PLPP3: variants seen among roughly 807,000 people sequenced by gnomAD.
PLPP3 encodes the protein phospholipid phosphatase 3, also known as PAP2 beta.
Under a neutral mutation model 29.6 loss-of-function variants are expected in PLPP3, and 6 were observed. That is an observed-to-expected ratio of 0.20 (90% confidence interval 0.11 to 0.40). PLPP3 has a LOEUF of 0.40. Ranked by LOEUF, PLPP3 falls within the 10% of genes least tolerant of loss-of-function variation. The probability of loss-of-function intolerance (pLI) is 1.00; values close to 1 mark genes in which losing one functional copy is unlikely to be tolerated. For missense variants in PLPP3, 308 were observed against 407.7 expected (o/e 0.76, Z 2.11); for synonymous variants, 152 against 159.7 (o/e 0.95, Z 0.36).
At chr1:56,568,788 C>T (rs1646178624) in intron 1 of PLPP3, among the ~76,000 whole-genome samples, 1 of 152,084 alleles carries the variant, frequency 6.6e-6, no homozygotes, top group Admixed American at 6.5e-5. Flanking sequence ...CCATGCCTGG[C>T]TAATTTTTTT....
At chr1:56,541,986 A>G (rs569835877) in intron 1 of PLPP3, among the ~76,000 whole-genome samples, 1 of 145,530 alleles carries the variant, frequency 6.9e-6, no homozygotes, top group Admixed American at 6.9e-5. Context: ...AAAAAAAAAG[A>G]ATCTAGTGAG....
intron 1 of PLPP3, among the ~76,000 whole-genome samples, chr1:56,561,703 A>G (rs2100297950): frequency 6.6e-6 from 1 of 152,180 alleles, no homozygotes; most frequent in South Asian, 2.1e-4. Context: ...TTCAGAGAGG[A>G]GGCAGGCAGG....
At chr1:56,537,143 GA>G (rs371900222) in intron 1 of PLPP3, 31 bp from the exon 2 acceptor site, 32 of 1,515,598 alleles carry the variant, frequency 2.1e-5, no homozygotes, top group South Asian at 6.4e-5. Flanking sequence ...GCATATACCA[GA>G]AAAAAAAAGA....
intron 2 of PLPP3, among the ~76,000 whole-genome samples, chr1:56,529,824 AG>A (rs1298988648): frequency 1.3e-5 from 2 of 152,160 alleles, no homozygotes; most frequent in African/African-American, 2.4e-5. Context: ...CAAAGACACC[AG>A]TATAATTTCT....
chr1:56,523,938 G>C, intron 3 of PLPP3, 58 bp from the exon 4 acceptor site: 1 of 1,557,018 alleles, frequency 6.4e-7, no homozygotes, highest in Non-Finnish European at 8.8e-7. Flanking sequence ...ATACACACTT[G>C]TCTGTCTGTC....
chr1:56,527,115 G>C (rs910681944), intron 2 of PLPP3, among the ~76,000 whole-genome samples: 1 of 152,186 alleles, frequency 6.6e-6, no homozygotes, highest in Non-Finnish European at 1.5e-5. Flanking sequence ...GACGGGGTTT[G>C]ATTACAATTC....
intron 1 of PLPP3, among the ~76,000 whole-genome samples, chr1:56,560,678 T>G (rs1443617113): frequency 6.6e-6 from 1 of 152,082 alleles, no homozygotes; most frequent in Non-Finnish European, 1.5e-5. Flanking sequence ...TTCCATCACC[T>G]TGGTGATTAG....
intron 1 of PLPP3, 31 bp from the exon 2 acceptor site, chr1:56,537,143 GAA>G: frequency 6.6e-7 from 1 of 1,515,972 alleles, no homozygotes; most frequent in African/African-American, 1.4e-5. Context: ...GCATATACCA[GAA>G]AAAAAAAGAA....
intron 1 of PLPP3, among the ~76,000 whole-genome samples, chr1:56,541,457 T>C (rs751208922): frequency 6.9e-4 from 105 of 152,306 alleles, no homozygotes; most frequent in Non-Finnish European, 1.3e-3. Context: ...ATATAAACTA[T>C]TGTAGACTGA....
At chr1:56,532,674 CTG>C (rs1557505659) in intron 2 of PLPP3, among the ~76,000 whole-genome samples, 2 of 152,166 alleles carry the variant, frequency 1.3e-5, no homozygotes, top group Admixed American at 1.3e-4. Context: ...TTCCCCTGCT[CTG>C]TGAATCCTCT....
chr1:56,548,223 T>C (rs943101308), intron 1 of PLPP3, among the ~76,000 whole-genome samples: 1 of 152,228 alleles, frequency 6.6e-6, no homozygotes, highest in African/African-American at 2.4e-5. Context: ...TCAATGTTCC[T>C]TTTGTAAAAC....
intron 5 of PLPP3, among the ~76,000 whole-genome samples, chr1:56,508,045 C>T (rs1479317375): frequency 6.6e-6 from 1 of 152,178 alleles, no homozygotes; most frequent in Non-Finnish European, 1.5e-5. Context: ...TTTTCCAACT[C>T]CCAACTTCCA....
At chr1:56,559,576 C>G (rs1646107477) in intron 1 of PLPP3, among the ~76,000 whole-genome samples, 1 of 146,222 alleles carries the variant, frequency 6.8e-6, no homozygotes. Context: ...TTTTTTTACA[C>G]TAAGAATATA....
chr1:56,561,331 C>T (rs1412182229), intron 1 of PLPP3, among the ~76,000 whole-genome samples: 1 of 151,894 alleles, frequency 6.6e-6, no homozygotes, highest in African/African-American at 2.4e-5. Context: ...AAATACCTAG[C>T]TGTTCTTAGG....
Position 56,578,979 on chromosome 1 carries a change from T to C in PLPP3, c.38A>G (p.Glu13Gly). ...CGCCGGGCTGCCGCCGTTCTTGCTC[T>C]CCGGGACGATCGCTTTGTCGTACTT... ...NYKYDKAIVPESKNGGSPALN... is the reference protein window; with the variant it reads ...NYKYDKAIVPGSKNGGSPALN... The change falls in exon 1 of 6, where the codon GAG becomes GGG. Residue 13 changes from glutamate to glycine, a missense_variant. By Grantham distance (98) the Glu-to-Gly change is moderately conservative. Coordinates refer to ENST00000371250, the MANE Select transcript of PLPP3 (RefSeq NM_003713.5). 6.2e-7 allele frequency: 1 copy of C among 1,602,398 alleles called. No individual in the cohort carries two copies. Among genetic ancestry groups the C allele is most frequent in the Non-Finnish European group, 8.5e-7 (1 of 1,175,412 alleles).
At chr1:56,552,508 T>C (rs1479684948) in intron 1 of PLPP3, among the ~76,000 whole-genome samples, 1 of 152,214 alleles carries the variant, frequency 6.6e-6, no homozygotes, top group Non-Finnish European at 1.5e-5. Flanking sequence ...ACACTGAATA[T>C]ACAATATTTA....
At chr1:56,575,178 A>C (rs570805929) in intron 1 of PLPP3, among the ~76,000 whole-genome samples, 5 of 152,284 alleles carry the variant, frequency 3.3e-5, no homozygotes, top group African/African-American at 9.6e-5. Context: ...AATCCCACAC[A>C]GTCATTTTGC....
chr1:56,502,035 C>T (rs1320743474), intron 5 of PLPP3, among the ~76,000 whole-genome samples: 1 of 152,250 alleles, frequency 6.6e-6, no homozygotes, highest in East Asian at 1.9e-4. Flanking sequence ...AGGGAGCACA[C>T]ACAGTCCAGC....
intron 1 of PLPP3, among the ~76,000 whole-genome samples, chr1:56,557,002 GAAAGAA>G (rs1475905247): frequency 0.032 from 234 of 7,400 alleles, 27 homozygotes; most frequent in African/African-American, 0.07. Context: ...AAGAAAGAAA[GAAAGAA>G]AGAGAGAGAG....
Sources: gnomAD v4.1 joint callset for allele counts (sites outside exome capture counted in the v4.1 genomes callset) on GRCh38, gnomAD v4.1.1 for gene constraint, MANE v1.5 for transcripts, NCBI Gene and HGNC (gene_info 2026-07-23, HGNC 2026-07-21) for gene names.